Variants in ARHGAP28 observed in about 807,000 individuals in gnomAD.
ARHGAP28 encodes the protein rho GTPase-activating protein 28.
A neutral mutation model predicts 90.7 loss-of-function variants in ARHGAP28; 56 were observed. That is an observed-to-expected ratio of 0.62 (90% CI 0.50 to 0.77). The LOEUF is 0.77. Ranked by LOEUF, ARHGAP28 falls within the 30% of genes least tolerant of loss-of-function variation. The probability of loss-of-function intolerance (pLI) is 0.00; values close to 1 mark genes in which losing one functional copy is unlikely to be tolerated. For missense variants in ARHGAP28, 869 were observed against 900.9 expected (o/e 0.96, Z 0.45); for synonymous variants, 308 against 323.3 (o/e 0.95, Z 0.51).
intron 3 of ARHGAP28, among the ~76,000 whole-genome samples, 157 bp downstream of exon 3, chr18:6,837,571 T>C (rs1316809869): frequency 1.3e-5 from 2 of 152,194 alleles, no homozygotes; most frequent in Non-Finnish European, 2.9e-5. Flanking sequence ...TGCAAATTTT[T>C]ACAAGTTTGA....
In ARHGAP28 at chr18:6,856,657, G is replaced by T. The variant is rs190652717; in HGVS notation, c.637-3151G>T. Among the ~76,000 whole-genome samples, 116 of 152,158 alleles carry T rather than the reference G, an allele frequency of 7.6e-4. 2 individuals carry two copies. In the Middle Eastern group the frequency reaches 0.027, roughly 36 times the overall value. On this transcript the variant is annotated intron_variant, in intron 4 of 17. Coordinates refer to ENST00000383472, the MANE Select transcript of ARHGAP28 (RefSeq NM_001366230.1). ...CTCAAGTAGCTGGGACTACAGGTGT[G>T]CATCACCACACCCAGCTTCAGTTAA...
At chr18:6,782,203 A>T (rs2056329345) in intron 1 of ARHGAP28, among the ~76,000 whole-genome samples, 1 of 151,658 alleles carries the variant, frequency 6.6e-6, no homozygotes, top group Non-Finnish European at 1.5e-5. Flanking sequence ...TGGTTTAGGG[A>T]GTGGGGGGTT....
intron 3 of ARHGAP28, among the ~76,000 whole-genome samples, chr18:6,841,892 A>G (rs1215150518): frequency 3.9e-5 from 6 of 152,194 alleles, no homozygotes; most frequent in African/African-American, 1.4e-4. Flanking sequence ...TAGCATTTAA[A>G]ACAAGTATTT....
At chr18:6,895,959 T>C (rs1356648743) in intron 15 of ARHGAP28, among the ~76,000 whole-genome samples, 3 of 152,168 alleles carry the variant, frequency 2.0e-5, no homozygotes, top group Non-Finnish European at 4.4e-5. Context: ...TAAGAAACAC[T>C]ATCTTTCCCA....
At chr18:6,851,606 A>G (rs2056911676) in intron 4 of ARHGAP28, among the ~76,000 whole-genome samples, 1 of 152,228 alleles carries the variant, frequency 6.6e-6, no homozygotes. Context: ...CACAATGTTT[A>G]TAGCAGCTTT....
intron 4 of ARHGAP28, among the ~76,000 whole-genome samples, chr18:6,855,292 T>C (rs1240392836): frequency 2.0e-5 from 3 of 152,164 alleles, no homozygotes; most frequent in African/African-American, 7.2e-5. Context: ...ATGGTGCTTT[T>C]TCCAGGCCCG....
chr18:6,794,470 C>G (rs2056427483), intron 1 of ARHGAP28, among the ~76,000 whole-genome samples: 2 of 152,208 alleles, frequency 1.3e-5, no homozygotes, highest in Admixed American at 6.5e-5. Context: ...TGGGCCTCCC[C>G]TGGCAGGTAA....
intron 2 of ARHGAP28, among the ~76,000 whole-genome samples, chr18:6,830,275 T>G (rs1156351630): frequency 6.6e-6 from 1 of 152,146 alleles, no homozygotes; most frequent in Non-Finnish European, 1.5e-5. Context: ...ATTCTGGATT[T>G]TATTCACTCT....
chr18:6,857,931 G>A (rs2056966807), intron 4 of ARHGAP28, among the ~76,000 whole-genome samples: 1 of 152,144 alleles, frequency 6.6e-6, no homozygotes, highest in African/African-American at 2.4e-5. Flanking sequence ...GTGAGTAGGG[G>A]GTGCTTAATA....
intron 4 of ARHGAP28, among the ~76,000 whole-genome samples, chr18:6,857,163 C>A (rs1271051364): frequency 6.6e-6 from 1 of 152,160 alleles, no homozygotes; most frequent in Non-Finnish European, 1.5e-5. Flanking sequence ...CCCCATCACC[C>A]ATAGCTGTTA....
At chr18:6,776,459 T>C (rs2056284454) in intron 1 of ARHGAP28, among the ~76,000 whole-genome samples, 1 of 152,208 alleles carries the variant, frequency 6.6e-6, no homozygotes, top group Non-Finnish European at 1.5e-5. Context: ...GGCTTGAGTA[T>C]CACAGCCATT....
intron 7 of ARHGAP28, among the ~76,000 whole-genome samples, chr18:6,870,939 T>C (rs111911130): frequency 4.7e-4 from 72 of 152,312 alleles, no homozygotes; most frequent in Non-Finnish European, 7.1e-4. Flanking sequence ...TAGCTGGGAC[T>C]ACAGGCACCT....
chr18:6,839,423 A>C (rs1007066411), intron 3 of ARHGAP28, among the ~76,000 whole-genome samples: 1 of 151,714 alleles, frequency 6.6e-6, no homozygotes, highest in Non-Finnish European at 1.5e-5. Context: ...CCTCCCGAGT[A>C]ACTGGGACTA....
intron 1 of ARHGAP28, among the ~76,000 whole-genome samples, chr18:6,752,566 A>G (rs948740029): frequency 3.9e-5 from 6 of 152,204 alleles, no homozygotes; most frequent in African/African-American, 1.4e-4. Context: ...AACCTCATGG[A>G]GAATAACAAA....
At chr18:6,906,875 A>T (rs558534467) in intron 16 of ARHGAP28, among the ~76,000 whole-genome samples, 4 of 152,216 alleles carry the variant, frequency 2.6e-5, no homozygotes, top group Admixed American at 1.3e-4. Context: ...GCAAAACCAC[A>T]TATCCAACAA....
chr18:6,761,530 A>G (rs375783351), intron 1 of ARHGAP28, among the ~76,000 whole-genome samples: 1 of 152,192 alleles, frequency 6.6e-6, no homozygotes, highest in Admixed American at 6.5e-5. Flanking sequence ...AACCCACAGC[A>G]TGAATCTGGG....
In ARHGAP28 at chr18:6,909,585, G is replaced by A. The variant is rs987787142; in HGVS notation, c.2095+561G>A. Among the ~76,000 whole-genome samples, 11 of 152,126 alleles carry A rather than the reference G, an allele frequency of 7.2e-5. No homozygotes were observed. In the East Asian group the frequency reaches 1.2e-3, roughly 16 times the overall value. On this transcript the variant is annotated intron_variant, in intron 17 of 17. Transcript: ENST00000383472. ...TGGGATTACAGGTGTGAGCCACTGC[G>A]CCTGGCTGGCTTCGGTCTTTTCAGT... is the stretch of plus-strand genomic sequence containing the variant.
chr18:6,757,491 A>G (rs1238934462), intron 1 of ARHGAP28, among the ~76,000 whole-genome samples: 1 of 152,210 alleles, frequency 6.6e-6, no homozygotes, highest in Non-Finnish European at 1.5e-5. Flanking sequence ...GACGATTAAT[A>G]CAAAGCCAGG....
Position 6,854,421 on chromosome 18 carries a change from C to T in ARHGAP28, c.636+3295C>T, listed in dbSNP as rs2056935899. 2.0e-5 allele frequency among the ~76,000 whole-genome samples: 3 copies of T among 152,256 alleles called. 1 individual carries two copies. The South Asian group carries it at 6.2e-4, about 32-fold the overall frequency. The stretch of plus-strand genomic sequence containing the variant: ...TTCTTTTTATCTTTTTCATCCTGGT[C>T]AGCACGTAGTGGGTCTTTTCTGTCT... On this transcript the variant is annotated intron_variant, in intron 4 of 17. Transcript: ENST00000383472.
Sources: allele counts gnomAD v4.1 joint callset (sites outside exome capture counted in the v4.1 genomes callset), GRCh38; gene constraint gnomAD v4.1.1; transcripts MANE v1.5; gene names NCBI Gene and HGNC (gene_info 2026-07-23, HGNC 2026-07-21).